PLPPR1: variants seen among roughly 807,000 people sequenced by gnomAD.
PLPPR1 encodes the protein phospholipid phosphatase-related protein type 1.
In PLPPR1, 10 loss-of-function variants were observed where a neutral mutation model predicts 33.1. That is an observed-to-expected ratio of 0.30 (90% confidence interval 0.19 to 0.51). The LOEUF is 0.51. Among genes scored for constraint, PLPPR1 ranks in the 20% least tolerant of loss-of-function variants. The probability of loss-of-function intolerance (pLI) is 0.97; values close to 1 mark genes in which losing one functional copy is unlikely to be tolerated. For missense variants in PLPPR1, 304 were observed against 408.1 expected (o/e 0.74, Z 2.20); for synonymous variants, 151 against 151.0 (o/e 1.00, Z 0.00).
intron 7 of PLPPR1, among the ~76,000 whole-genome samples, chr9:101,322,896 A>G (rs1280973024): frequency 1.3e-5 from 2 of 152,226 alleles, no homozygotes; most frequent in Admixed American, 6.5e-5. Context: ...ATACAAGACC[A>G]TGATACAAGT....
At chr9:101,287,994 T>G (rs929580742) in intron 4 of PLPPR1, among the ~76,000 whole-genome samples, 4 of 152,222 alleles carry the variant, frequency 2.6e-5, no homozygotes, top group Non-Finnish European at 4.4e-5. Context: ...AGAGATTTAT[T>G]GCAATTAAAT....
intron 2 of PLPPR1, among the ~76,000 whole-genome samples, chr9:101,195,479 T>C (rs1826377710): frequency 6.6e-6 from 1 of 152,136 alleles, no homozygotes; most frequent in African/African-American, 2.4e-5. Flanking sequence ...ATAATTTATA[T>C]AGTAAGTGGT....
intron 1 of PLPPR1, among the ~76,000 whole-genome samples, chr9:101,128,696 C>T (rs1451197375): frequency 3.3e-5 from 5 of 152,134 alleles, no homozygotes; most frequent in Admixed American, 2.6e-4. Flanking sequence ...ATGTAATCTG[C>T]AGGGTTGACA....
At chr9:101,264,976 A>G (rs556910290) in intron 2 of PLPPR1, among the ~76,000 whole-genome samples, 1 of 152,250 alleles carries the variant, frequency 6.6e-6, no homozygotes, top group Non-Finnish European at 1.5e-5. Context: ...TACATGAGTC[A>G]CACCATCATT....
intron 1 of PLPPR1, among the ~76,000 whole-genome samples, chr9:101,180,163 T>TAC (rs1189745449): frequency 3.4e-5 from 3 of 87,602 alleles, no homozygotes; most frequent in Admixed American, 2.2e-4. Context: ...CACACACACA[T>TAC]ACACACACAC....
chr9:101,185,889 T>G (rs1014095924), intron 2 of PLPPR1, among the ~76,000 whole-genome samples: 1 of 151,894 alleles, frequency 6.6e-6, no homozygotes, highest in Non-Finnish European at 1.5e-5. Flanking sequence ...AGCATTTTAA[T>G]TAATTTTTTT....
chr9:101,275,733 A>C (rs1828178344), intron 3 of PLPPR1, among the ~76,000 whole-genome samples: 1 of 152,206 alleles, frequency 6.6e-6, no homozygotes, highest in Admixed American at 6.5e-5. Flanking sequence ...GGCATGAAAA[A>C]AATGGCTATT....
chr9:101,232,485 T>A (rs181270568), intron 2 of PLPPR1, among the ~76,000 whole-genome samples: 117 of 152,010 alleles, frequency 7.7e-4, no homozygotes, highest in Non-Finnish European at 1.6e-3. Context: ...CTCTTTTTTT[T>A]TTTTCTTAAA....
intron 2 of PLPPR1, among the ~76,000 whole-genome samples, chr9:101,195,292 A>T (rs1826375582): frequency 6.6e-6 from 1 of 152,184 alleles, no homozygotes; most frequent in African/African-American, 2.4e-5. Context: ...TTCCACAAAT[A>T]TATTGAAGGG....
intron 4 of PLPPR1, among the ~76,000 whole-genome samples, chr9:101,308,624 A>C (rs1328829467): frequency 6.6e-6 from 1 of 152,122 alleles, no homozygotes; most frequent in African/African-American, 2.4e-5. Context: ...ATGAAACTCC[A>C]ATTCAAGCAA....
At chr9:101,281,491 T>A (rs904902057) in intron 3 of PLPPR1, among the ~76,000 whole-genome samples, 2 of 152,052 alleles carry the variant, frequency 1.3e-5, no homozygotes, top group Non-Finnish European at 2.9e-5. Context: ...AGGAATCATA[T>A]TACCTGACTT....
intron 1 of PLPPR1, among the ~76,000 whole-genome samples, chr9:101,054,042 G>T (rs1403198046): frequency 6.6e-6 from 1 of 151,900 alleles, no homozygotes; most frequent in African/African-American, 2.4e-5. Flanking sequence ...AAATTAGCTG[G>T]GCATGGTGGC....
chr9:101,137,269 A>C (rs1403146592), intron 1 of PLPPR1, among the ~76,000 whole-genome samples: 1 of 152,188 alleles, frequency 6.6e-6, no homozygotes, highest in African/African-American at 2.4e-5. Context: ...AGAAATATGT[A>C]AAGGCAAGAG....
At chr9:101,100,199 A>G (rs1359068187) in intron 1 of PLPPR1, among the ~76,000 whole-genome samples, 1 of 152,118 alleles carries the variant, frequency 6.6e-6, no homozygotes, top group African/African-American at 2.4e-5. Flanking sequence ...GAACGCAGCA[A>G]AGTAGAAAGA....
In PLPPR1 at chr9:101,291,073, C is replaced by G. The variant is rs544446109; in HGVS notation, c.385+4837C>G. Among the ~76,000 whole-genome samples the G allele has an allele frequency of 4.6e-5, 7 of 152,362 alleles. No individual in the cohort carries two copies. The South Asian group carries it at 1.4e-3, about 32-fold the overall frequency. ...AGACGGCACCTGGAAAATCGGGTCA[C>G]TCCCACCCTAATACTGCGCTTTTCC... On this transcript the variant is annotated intron_variant, in intron 4 of 7. Transcript: ENST00000374874.
At chr9:101,231,275 C>T (rs1455245407) in intron 2 of PLPPR1, among the ~76,000 whole-genome samples, 1 of 105,882 alleles carries the variant, frequency 9.4e-6, no homozygotes, top group East Asian at 2.3e-4. Context: ...AATGGTGCCC[C>T]AATTAAAAAA....
At chr9:101,134,441 G>T (rs1831353206) in intron 1 of PLPPR1, among the ~76,000 whole-genome samples, 1 of 151,236 alleles carries the variant, frequency 6.6e-6, no homozygotes, top group African/African-American at 2.4e-5. Context: ...GGAGTGCAGT[G>T]GTGTGACCTG....
At chr9:101,065,770 A>G (rs1464014553) in intron 1 of PLPPR1, among the ~76,000 whole-genome samples, 3 of 152,112 alleles carry the variant, frequency 2.0e-5, no homozygotes, top group Non-Finnish European at 2.9e-5. Context: ...ATTTATAGTT[A>G]GAAATATACT....
chr9:101,046,932 A>AC lies in PLPPR1; in HGVS notation c.-46+17837dup, dbSNP rs149150098. Among the ~76,000 whole-genome samples the AC allele has an allele frequency of 1.6e-3, 242 of 150,724 alleles. 1 individual carries two copies. Among genetic ancestry groups the AC allele is most frequent in the African/African-American group, 5.6e-3 (228 of 40,892 alleles). ...GGCCTTTAAAATGGAACTTACTGAA[A>AC]CCCCCCCTTCTTTGGTCACATTGAT... On this transcript the variant is annotated intron_variant, in intron 1 of 7. Coordinates refer to ENST00000374874, the MANE Select transcript of PLPPR1 (RefSeq NM_207299.2).
Sources: allele counts gnomAD v4.1 joint callset (sites outside exome capture counted in the v4.1 genomes callset), GRCh38; gene constraint gnomAD v4.1.1; transcripts MANE v1.5; gene names NCBI Gene and HGNC (gene_info 2026-07-23, HGNC 2026-07-21).